SASS6: variants seen among roughly 807,000 people sequenced by gnomAD.
The protein encoded by SASS6 is spindle assembly abnormal protein 6 homolog.
A neutral mutation model predicts 94.9 loss-of-function variants in SASS6; 59 were observed. The ratio of observed to expected loss-of-function variants is 0.62; its 90% CI spans 0.50 to 0.77. The LOEUF (loss-of-function observed/expected upper bound fraction) is 0.77, where lower values mean the gene tolerates loss of function less well. SASS6 is among the 30% of genes least tolerant of loss of function. The pLI, the probability that SASS6 is intolerant of heterozygous loss-of-function variation, is 0.00. For missense variants in SASS6, 698 were observed against 734.1 expected (o/e 0.95, Z 0.57); for synonymous variants, 264 against 270.0 (o/e 0.98, Z 0.22).
chr1:100,120,280 T>G, intron 6 of SASS6, 114 bp downstream of exon 6: 1 of 615,860 alleles, frequency 1.6e-6, no homozygotes, highest in Non-Finnish European at 3.0e-6. Flanking sequence ...GGAATGGAAA[T>G]TCAACGGAAG....
chr1:100,132,635 G>T (rs1484275688), intron 1 of SASS6, 115 bp downstream of exon 1: 8 of 883,728 alleles, frequency 9.1e-6, no homozygotes, highest in Non-Finnish European at 1.5e-5. Flanking sequence ...CGCTTCCTAG[G>T]GGGGCCGACT....
Position 100,108,662 on chromosome 1 carries a change from T to A in SASS6, c.862-658A>T, listed in dbSNP as rs911639299. ...TCTTAACCAAAGTTTCCAAAAATAA[T>A]TATACAGTATTGTGACTATAGTGGT... On this transcript the variant is annotated intron_variant, in intron 8 of 16. Transcript: ENST00000287482. 5.9e-5 allele frequency among the ~76,000 whole-genome samples: 9 copies of A among 152,212 alleles called. No homozygotes were observed. In the East Asian group the frequency reaches 1.5e-3, roughly 26 times the overall value.
chr1:100,117,035 T>C (rs1653841556), intron 7 of SASS6, among the ~76,000 whole-genome samples: 1 of 152,100 alleles, frequency 6.6e-6, no homozygotes, highest in African/African-American at 2.4e-5. Context: ...GGCTCACGCC[T>C]GTAATCCTAG....
chr1:100,109,583 T>C (rs1199949399), intron 8 of SASS6, among the ~76,000 whole-genome samples: 1 of 151,942 alleles, frequency 6.6e-6, no homozygotes, highest in East Asian at 1.9e-4. Context: ...ACATGTATCC[T>C]GGAACTTAAA....
intron 14 of SASS6, among the ~76,000 whole-genome samples, chr1:100,092,443 T>A (rs1005358860): frequency 6.6e-6 from 1 of 152,168 alleles, no homozygotes; most frequent in African/African-American, 2.4e-5. Flanking sequence ...GAATGTTCTA[T>A]CATTCAGGGA....
At chr1:100,088,716 C>T (rs1651474649) in intron 14 of SASS6, among the ~76,000 whole-genome samples, 1 of 151,924 alleles carries the variant, frequency 6.6e-6, no homozygotes, top group Admixed American at 6.6e-5. Context: ...TAGTGCACAC[C>T]TGTAGTCCCA....
Position 100,122,372 on chromosome 1 carries a change from C to G in SASS6, c.311+8G>C. ...AATTTAATAATGTAGCATTCTCATG[C>G]AACTTACCTTGGAATTTCTTTGGCA... is the stretch of plus-strand genomic sequence containing the variant. On this transcript the variant is annotated splice_region_variant and intron_variant, in intron 4 of 16. Transcript: ENST00000287482. The G allele has an allele frequency of 8.0e-7, 1 of 1,247,950 alleles. No homozygotes were observed. The highest frequency in any genetic ancestry group is 1.2e-6 in the Non-Finnish European group (1 of 862,202). The allele number at this position is 1,247,950 out of a possible 1,614,324, so 77.3% of individuals were successfully genotyped here. A position where few individuals can be genotyped will look rare whatever the true frequency, so the allele number is the denominator to read the frequency against.
chr1:100,110,569 G>A (rs993354586), intron 7 of SASS6, 86 bp from the exon 8 acceptor site: 17 of 657,988 alleles, frequency 2.6e-5, no homozygotes, highest in Non-Finnish European at 3.3e-5. Context: ...AAAAAAAATT[G>A]TAATTTCTTA....
At chr1:100,120,059 GA>G (rs1227600729) in intron 6 of SASS6, among the ~76,000 whole-genome samples, 25 of 152,278 alleles carry the variant, frequency 1.6e-4, no homozygotes, top group Non-Finnish European at 3.2e-4. Context: ...TAGAGCATAG[GA>G]ACTGAAAAGC....
intron 5 of SASS6, 99 bp from the exon 6 acceptor site, chr1:100,120,558 G>C: frequency 1.6e-6 from 1 of 608,538 alleles, no homozygotes; most frequent in Non-Finnish European, 2.9e-6. Flanking sequence ...AAGCCTGTTA[G>C]AAATGCAGAT....
At chr1:100,105,514 G>A (rs1254236067) in intron 13 of SASS6, among the ~76,000 whole-genome samples, 3 of 151,636 alleles carry the variant, frequency 2.0e-5, no homozygotes, top group African/African-American at 4.8e-5. Flanking sequence ...GCGACAGAGC[G>A]AGACTCCATC....
chr1:100,122,711 C>A (rs1050800229), intron 3 of SASS6, among the ~76,000 whole-genome samples: 2 of 151,870 alleles, frequency 1.3e-5, no homozygotes, highest in Non-Finnish European at 2.9e-5. Context: ...TGCCACCATA[C>A]CTGGCTAATT....
At position 100,085,608 on chromosome 1, in the gene SASS6, A is replaced by C; in HGVS notation, c.1795T>G (p.Ser599Ala). 1 of 1,610,336 alleles carries C rather than the reference A, an allele frequency of 6.2e-7. No homozygotes were observed. Among genetic ancestry groups the C allele is most frequent in the Non-Finnish European group, 8.5e-7 (1 of 1,177,160 alleles). The change falls in exon 16 of 17, where the codon TCC becomes GCC. Residue 599 changes from serine (S) to alanine (A), a missense_variant. Coordinates refer to ENST00000287482, the MANE Select transcript of SASS6 (RefSeq NM_194292.3). ...TCTTCCCTTTTCTTCAGGTATTTGG[A>C]TTCCAACCCTACATTTTCACCACTT... is the stretch of plus-strand genomic sequence containing the variant. ...KENGENVGLE[S>A]KYLKKREDSI...
chr1:100,084,349 A>G lies in SASS6; in HGVS notation c.*979T>C, dbSNP rs1651074252. On this transcript the variant is annotated 3_prime_UTR_variant, in exon 17 of 17. Transcript: ENST00000287482. Reference sequence around the variant, plus strand: ...CCAGGTATTGTTTGTCAATAAGAAAACAAAATGAGGCCCTATGATTCTAGG... The same window carrying G: ...CCAGGTATTGTTTGTCAATAAGAAAGCAAAATGAGGCCCTATGATTCTAGG... 1.3e-5 allele frequency: 2 copies of G among 152,072 alleles called. No homozygotes were observed. The highest frequency in any genetic ancestry group is 6.5e-5 in the Admixed American group (1 of 15,274). 9.4% of individuals were successfully genotyped at this position (152,072 alleles called of 1,614,324 possible).
intron 14 of SASS6, chr1:100,099,563 T>C (rs1307965254): frequency 1.3e-5 from 2 of 152,468 alleles, no homozygotes; most frequent in East Asian, 3.9e-4. Flanking sequence ...CACTCTATGC[T>C]TGGGATAGGG....
chr1:100,118,598 T>C (rs1653950583), intron 7 of SASS6, among the ~76,000 whole-genome samples: 1 of 152,132 alleles, frequency 6.6e-6, no homozygotes, highest in Non-Finnish European at 1.5e-5. Context: ...ACCCAAAAAA[T>C]GAATACTCTG....
intron 7 of SASS6, among the ~76,000 whole-genome samples, chr1:100,113,771 G>A (rs2810422): frequency 0.95 from 144,543 of 152,018 alleles, 68,740 homozygotes; most frequent in East Asian, 1. Flanking sequence ...ACCTAGTCGC[G>A]TTAAACAAAA....
chr1:100,093,177 T>C (rs1651865720), intron 14 of SASS6, among the ~76,000 whole-genome samples: 1 of 134,228 alleles, frequency 7.5e-6, no homozygotes, highest in Admixed American at 7.3e-5. Flanking sequence ...TTGTTTTCTT[T>C]TTTTTTTTTT....
chr1:100,097,721 C>T (rs1417269617), intron 14 of SASS6, among the ~76,000 whole-genome samples: 1 of 151,986 alleles, frequency 6.6e-6, no homozygotes, highest in South Asian at 2.1e-4. Flanking sequence ...CCCAGCTACT[C>T]AGGAGGCTAA....
Sources: gnomAD v4.1 joint callset for allele counts (sites outside exome capture counted in the v4.1 genomes callset) on GRCh38, gnomAD v4.1.1 for gene constraint, MANE v1.5 for transcripts, NCBI Gene and HGNC (gene_info 2026-07-23, HGNC 2026-07-21) for gene names.